The following SLC25A26 variants were observed in gnomAD, a reference collection of about 807,000 sequenced individuals.
SLC25A26 encodes the protein mitochondrial S-adenosylmethionine carrier protein.
SLC25A26 carries 36 observed loss-of-function variants against 37.8 expected under a neutral mutation model. That is an observed-to-expected ratio of 0.95 (90% CI 0.73 to 1.26). The LOEUF (loss-of-function observed/expected upper bound fraction) is 1.26. Ranked by LOEUF, SLC25A26 falls within the 50% of genes most tolerant of loss-of-function variation. SLC25A26 has a pLI of 0.00. For missense variants in SLC25A26, 390 were observed against 331.1 expected (o/e 1.18, Z -1.38); for synonymous variants, 129 against 122.5 (o/e 1.05, Z -0.35).
At chr3:66,195,780 T>C (rs2106802487) in intron 1 of SLC25A26, among the ~76,000 whole-genome samples, 1 of 152,350 alleles carries the variant, frequency 6.6e-6, no homozygotes, top group African/African-American at 2.4e-5. Flanking sequence ...GCAAAAAGCA[T>C]TGAGAATTAA....
At chr3:66,219,172 T>G (rs1215195311), upstream of SLC25A26, among the ~76,000 whole-genome samples, 3 of 152,134 alleles carry the variant, frequency 2.0e-5, no homozygotes, top group African/African-American at 7.2e-5. Context: ...GAAATGTCAG[T>G]GAAAGCTTAT....
At chr3:66,190,604 T>G (rs1304649029) in intron 1 of SLC25A26, among the ~76,000 whole-genome samples, 3 of 152,054 alleles carry the variant, frequency 2.0e-5, no homozygotes, top group East Asian at 3.9e-4. Flanking sequence ...AATTTTTGTA[T>G]TTTTAGTAGA....
chr3:66,346,708 CTGTGTGCGTGTGTGTGTGTGTGTG>C (rs2076331760), intron 6 of SLC25A26, among the ~76,000 whole-genome samples: 1 of 116,778 alleles, frequency 8.6e-6, no homozygotes, highest in Admixed American at 9.3e-5. Context: ...TTTCATTTTG[CTGTGTGCGTGTGTGTGTGTGTGTG>C]TGTGTGTGTG....
At chr3:66,138,591 T>C (rs1398709856) in intron 1 of SLC25A26, among the ~76,000 whole-genome samples, 1 of 125,396 alleles carries the variant, frequency 8.0e-6, no homozygotes, top group Non-Finnish European at 1.6e-5. Context: ...AATTCTCTGG[T>C]AAAATGTTTC....
chr3:66,285,735 C>T (rs1559656749), intron 5 of SLC25A26, among the ~76,000 whole-genome samples: 1 of 151,980 alleles, frequency 6.6e-6, no homozygotes, highest in African/African-American at 2.4e-5. Flanking sequence ...GCTGGGATTA[C>T]AGGCATGAGC....
rs1239311956 is a variant in SLC25A26 at position 66,149,378 on chromosome 3, C to A, written c.-354+15394C>A. Among the ~76,000 whole-genome samples, 20 of 152,142 alleles carry A rather than the reference C, an allele frequency of 1.3e-4. 1 individual carries two copies. The highest frequency in any genetic ancestry group is 1.3e-3 in the Admixed American group (20 of 15,266). On this transcript the variant is annotated intron_variant, in intron 1 of 10. Coordinates refer to the SLC25A26 transcript ENST00000676754. The stretch of plus-strand genomic sequence containing the variant: ...AACACAGGTTAGGGATGACATAATT[C>A]AAGCACCTGACCCTAGCAGCCAGAA...
chr3:66,337,021 T>G (rs2076106096), intron 5 of SLC25A26, among the ~76,000 whole-genome samples: 1 of 152,142 alleles, frequency 6.6e-6, no homozygotes, highest in Non-Finnish European at 1.5e-5. Flanking sequence ...ATACCATAAT[T>G]GCACTGTATC....
intron 1 of SLC25A26, among the ~76,000 whole-genome samples, chr3:66,179,383 G>A (rs996889002): frequency 6.6e-6 from 1 of 152,172 alleles, no homozygotes. Context: ...ACACTCAGAA[G>A]TCTCCTTGTT....
intron 3 of SLC25A26, among the ~76,000 whole-genome samples, chr3:66,252,574 A>G (rs1298601677): frequency 1.3e-5 from 2 of 152,332 alleles, no homozygotes; most frequent in East Asian, 3.9e-4. Context: ...CATCCCAGTC[A>G]CAGTTCTTAC....
chr3:66,173,109 T>C (rs527728410), intron 1 of SLC25A26, among the ~76,000 whole-genome samples: 10 of 152,324 alleles, frequency 6.6e-5, no homozygotes, highest in Admixed American at 5.2e-4. Context: ...GCTTTCCAAA[T>C]TGTGATAAGC....
chr3:66,244,257 T>C (rs1293014544), intron 3 of SLC25A26, among the ~76,000 whole-genome samples: 1 of 152,238 alleles, frequency 6.6e-6, no homozygotes, highest in Non-Finnish European at 1.5e-5. Context: ...TGCACAATGA[T>C]ACTGGAACAG....
intron 5 of SLC25A26, among the ~76,000 whole-genome samples, chr3:66,296,552 G>C (rs1238464618): frequency 6.6e-6 from 1 of 152,268 alleles, no homozygotes. Context: ...AACTATGAAA[G>C]CATAGGGAGT....
intron 5 of SLC25A26, among the ~76,000 whole-genome samples, chr3:66,338,164 C>T (rs1308026076): frequency 6.6e-6 from 1 of 151,980 alleles, no homozygotes; most frequent in Non-Finnish European, 1.5e-5. Flanking sequence ...GTCCATGTTA[C>T]AGCAATGTAT....
At chr3:66,221,385 T>C (rs1553658352) in intron 1 of SLC25A26, among the ~76,000 whole-genome samples, 1 of 152,170 alleles carries the variant, frequency 6.6e-6, no homozygotes, top group African/African-American at 2.4e-5. Flanking sequence ...CCTCATTTAC[T>C]TAAAAAAGAG....
chr3:66,144,659 A>G (rs2070088029), intron 1 of SLC25A26, among the ~76,000 whole-genome samples: 1 of 152,178 alleles, frequency 6.6e-6, no homozygotes, highest in African/African-American at 2.4e-5. Flanking sequence ...TCTGAGAGCC[A>G]AGTCCTGGAA....
intron 5 of SLC25A26, among the ~76,000 whole-genome samples, chr3:66,334,395 G>T (rs1191774530): frequency 6.6e-6 from 1 of 152,052 alleles, no homozygotes; most frequent in Non-Finnish European, 1.5e-5. Flanking sequence ...GCTCAGTGCA[G>T]CCTCCATCTC....
chr3:66,297,539 T>G (rs565775563), intron 5 of SLC25A26, among the ~76,000 whole-genome samples: 3 of 152,310 alleles, frequency 2.0e-5, no homozygotes, highest in African/African-American at 7.2e-5. Flanking sequence ...AGTTGCAGTT[T>G]TGCCACTCGC....
chr3:66,259,557 C>A (rs2073440927), intron 3 of SLC25A26, among the ~76,000 whole-genome samples: 1 of 152,150 alleles, frequency 6.6e-6, no homozygotes. Context: ...CTCCCTACTT[C>A]TTCACTCCTT....
At chr3:66,149,447 T>G (rs1357717053) in intron 1 of SLC25A26, among the ~76,000 whole-genome samples, 1 of 152,220 alleles carries the variant, frequency 6.6e-6, no homozygotes, top group Non-Finnish European at 1.5e-5. Flanking sequence ...CAACAAATTT[T>G]CTTTGCCTCA....
Sources: gnomAD v4.1 joint callset for allele counts (sites outside exome capture counted in the v4.1 genomes callset) on GRCh38, gnomAD v4.1.1 for gene constraint, MANE v1.5 for transcripts, NCBI Gene and HGNC (gene_info 2026-07-23, HGNC 2026-07-21) for gene names.